The following SDC2 variants were observed in gnomAD, a reference collection of about 807,000 sequenced individuals.
SDC2 encodes syndecan 2, also known as syndecan-2.
In SDC2, 13 loss-of-function variants were observed where a neutral mutation model predicts 22.2. The observed-to-expected ratio is 0.59, with a 90% confidence interval of 0.38 to 0.93. SDC2 has a LOEUF of 0.93. Ranked by LOEUF, SDC2 falls within the 40% of genes least tolerant of loss-of-function variation. SDC2 has a pLI of 0.00. For missense variants in SDC2, 235 were observed against 246.8 expected (o/e 0.95, Z 0.32); for synonymous variants, 94 against 92.8 (o/e 1.01, Z -0.07).
intron 1 of SDC2, among the ~76,000 whole-genome samples, chr8:96,571,281 G>T (rs540904453): frequency 3.9e-5 from 6 of 152,118 alleles, no homozygotes; most frequent in Non-Finnish European, 7.3e-5. Flanking sequence ...CACACAAAAG[G>T]CTTGAGGGAA....
At chr8:96,583,366 T>C (rs1196987245) in intron 1 of SDC2, among the ~76,000 whole-genome samples, 1 of 139,196 alleles carries the variant, frequency 7.2e-6, no homozygotes, top group Non-Finnish European at 1.5e-5. Context: ...ATATATTATA[T>C]ATCATATATA....
intron 1 of SDC2, among the ~76,000 whole-genome samples, chr8:96,582,187 G>A (rs1814599887): frequency 6.6e-6 from 1 of 151,518 alleles, no homozygotes; most frequent in African/African-American, 2.4e-5. Flanking sequence ...AAGTTGCTTG[G>A]TTGGCCATTA....
At chr8:96,494,710 C>G (rs1263035839) in intron 1 of SDC2, among the ~76,000 whole-genome samples, 1 of 152,090 alleles carries the variant, frequency 6.6e-6, no homozygotes, top group Non-Finnish European at 1.5e-5. Context: ...GGGAACGGCT[C>G]CACTCCGCGC....
At chr8:96,543,285 G>A (rs1563655373) in intron 1 of SDC2, among the ~76,000 whole-genome samples, 1 of 152,038 alleles carries the variant, frequency 6.6e-6, no homozygotes, top group African/African-American at 2.4e-5. Flanking sequence ...TCTCACATTT[G>A]TTTCTTTAAC....
chr8:96,575,931 C>G (rs1273742532), intron 1 of SDC2, among the ~76,000 whole-genome samples: 1 of 152,116 alleles, frequency 6.6e-6, no homozygotes, highest in South Asian at 2.1e-4. Flanking sequence ...TGTTTTCTGC[C>G]CTTATAAAGA....
intron 1 of SDC2, among the ~76,000 whole-genome samples, chr8:96,507,991 G>A (rs1000247081): frequency 1.5e-4 from 23 of 148,910 alleles, no homozygotes; most frequent in African/African-American, 5.7e-4. Flanking sequence ...GTGAAACCCT[G>A]TCTCTACTAA....
rs540879099 is a variant in SDC2, at chr8:96,530,942, G to A, written c.60+36611G>A. 2.0e-3 allele frequency among the ~76,000 whole-genome samples: 311 copies of A among 152,232 alleles called. 3 individuals carry two copies. Among genetic ancestry groups the A allele is most frequent in the Non-Finnish European group, 6.0e-4 (41 of 68,012 alleles). ...GTTTCCCAACCATTTTCACATCATGGCACACATTGAAAAGGTGCACAGCAC... is the reference window on the plus strand; with the variant it reads ...GTTTCCCAACCATTTTCACATCATGACACACATTGAAAAGGTGCACAGCAC... On this transcript the variant is annotated intron_variant, in intron 1 of 4. Transcript: ENST00000302190.
intron 1 of SDC2, among the ~76,000 whole-genome samples, chr8:96,520,814 A>G (rs904481600): frequency 6.6e-6 from 1 of 152,198 alleles, no homozygotes; most frequent in African/African-American, 2.4e-5. Flanking sequence ...TGAGACCTGC[A>G]TTAACCCTTG....
chr8:96,552,047 A>G (rs1015973367), intron 1 of SDC2, among the ~76,000 whole-genome samples: 2 of 152,204 alleles, frequency 1.3e-5, no homozygotes, highest in African/African-American at 4.8e-5. Context: ...CAAGTAACAC[A>G]TCACTTAGTT....
intron 1 of SDC2, among the ~76,000 whole-genome samples, chr8:96,535,285 G>C (rs1370122550): frequency 6.6e-6 from 1 of 152,174 alleles, no homozygotes; most frequent in African/African-American, 2.4e-5. Context: ...GGGATTACAG[G>C]TGTGAGCCAC....
chr8:96,519,858 C>T (rs937513178), intron 1 of SDC2, among the ~76,000 whole-genome samples: 12 of 151,808 alleles, frequency 7.9e-5, no homozygotes, highest in African/African-American at 2.2e-4. Context: ...GAACTCCTGA[C>T]CTCAAGTGAT....
At chr8:96,581,091 TTA>T (rs1814581287) in intron 1 of SDC2, among the ~76,000 whole-genome samples, 1 of 152,240 alleles carries the variant, frequency 6.6e-6, no homozygotes, top group Non-Finnish European at 1.5e-5. Flanking sequence ...AAATGAAATG[TTA>T]TATCTCTTAT....
At chr8:96,559,814 C>A (rs1814178271) in intron 1 of SDC2, among the ~76,000 whole-genome samples, 1 of 152,158 alleles carries the variant, frequency 6.6e-6, no homozygotes, top group African/African-American at 2.4e-5. Context: ...TTTTCTCTTC[C>A]ACTTACTACT....
intron 3 of SDC2, among the ~76,000 whole-genome samples, chr8:96,605,797 C>T (rs1815068875): frequency 6.6e-6 from 1 of 152,072 alleles, no homozygotes; most frequent in South Asian, 2.1e-4. Flanking sequence ...TCTTACATAC[C>T]CTAGAGTACA....
intron 1 of SDC2, among the ~76,000 whole-genome samples, chr8:96,533,953 C>T (rs180865968): frequency 5.7e-4 from 87 of 152,280 alleles, no homozygotes; most frequent in East Asian, 1.7e-3. Context: ...AGCCCTGCCC[C>T]GCGGGGAGGC....
chr8:96,573,424 G>T (rs1207031783), intron 1 of SDC2, among the ~76,000 whole-genome samples: 3 of 52,426 alleles, frequency 5.7e-5, no homozygotes, highest in Admixed American at 3.4e-4. Flanking sequence ...TAAGGCTCAG[G>T]TTCCACCGTT....
chr8:96,541,419 A>G (rs1352003465), intron 1 of SDC2, among the ~76,000 whole-genome samples: 1 of 151,162 alleles, frequency 6.6e-6, no homozygotes, highest in Non-Finnish European at 1.5e-5. Flanking sequence ...AGGCAGGAGA[A>G]TCCCTTGAAC....
At chr8:96,558,758 C>A (rs1814160978) in intron 1 of SDC2, among the ~76,000 whole-genome samples, 1 of 152,102 alleles carries the variant, frequency 6.6e-6, no homozygotes, top group Admixed American at 6.5e-5. Context: ...TAATCCAAAC[C>A]ATAAACTTTC....
chr8:96,576,374 G>GGTTTTT (rs1554604662), intron 1 of SDC2, among the ~76,000 whole-genome samples: 2 of 40,632 alleles, frequency 4.9e-5, no homozygotes, highest in Non-Finnish European at 9.6e-5. Flanking sequence ...GTTTGTTTTT[G>GGTTTTT]TTTTGTTTTG....
Sources: allele counts gnomAD v4.1 joint callset (sites outside exome capture counted in the v4.1 genomes callset), GRCh38; gene constraint gnomAD v4.1.1; transcripts MANE v1.5; gene names NCBI Gene and HGNC (gene_info 2026-07-23, HGNC 2026-07-21).